KLRG1: variants seen among roughly 807,000 people sequenced by gnomAD.
KLRG1 encodes killer cell lectin-like receptor subfamily G member 1.
Under a neutral mutation model 21.8 loss-of-function variants are expected in KLRG1, and 16 were observed. That is an observed-to-expected ratio of 0.73 (90% CI 0.50 to 1.11). The LOEUF (loss-of-function observed/expected upper bound fraction) is 1.11. Among genes scored for constraint, KLRG1 ranks in the 50% most tolerant of loss-of-function variants. The pLI, the probability that KLRG1 is intolerant of heterozygous loss-of-function variation, is 0.00. For synonymous variants in KLRG1, 69 were observed against 75.9 expected (o/e 0.91, Z 0.47); for missense variants, 173 against 218.3 (o/e 0.79, Z 1.31).
chr12:9,033,934 G>T, the KLRG1 span, among the ~76,000 whole-genome samples: 6 of 152,198 alleles, frequency 3.9e-5, no homozygotes, highest in African/African-American at 1.4e-4. Context: ...GAAGTTGAGA[G>T]CTAAGGTAAA....
the KLRG1 span, among the ~76,000 whole-genome samples, chr12:9,103,417 A>AACAC: frequency 2.6e-5 from 4 of 151,276 alleles, no homozygotes; most frequent in African/African-American, 9.7e-5. Flanking sequence ...AGTTATTATA[A>AACAC]ACACACACAC....
At chr12:9,159,951 G>A in the KLRG1 span, 2 of 1,612,684 alleles carry the variant, frequency 1.2e-6, no homozygotes, top group South Asian at 2.2e-5. Context: ...GTGTTGCCCT[G>A]GTTCCTGCCA....
chr12:9,107,525 T>G, the KLRG1 span: 2 of 1,613,898 alleles, frequency 1.2e-6, no homozygotes, highest in East Asian at 4.5e-5. Flanking sequence ...TCAACCTACC[T>G]GTCCACTGAA....
chr12:9,007,744 G>A (rs1947514570), intron 3 of KLRG1, among the ~76,000 whole-genome samples: 1 of 152,112 alleles, frequency 6.6e-6, no homozygotes, highest in Admixed American at 6.6e-5. Flanking sequence ...ATCACCATAG[G>A]CAGTTGAAAT....
chr12:8,973,891 T>G (rs1036140221), intron 1 of KLRG1, among the ~76,000 whole-genome samples: 7 of 152,180 alleles, frequency 4.6e-5, no homozygotes, highest in African/African-American at 1.7e-4. Context: ...ATGAATGATT[T>G]TTGTATGTTG....
chr12:9,102,388 G>A, the KLRG1 span, among the ~76,000 whole-genome samples: 2 of 152,004 alleles, frequency 1.3e-5, no homozygotes, highest in Admixed American at 6.6e-5. Flanking sequence ...CTAATTTTTT[G>A]TATATTTTGT....
the KLRG1 span, among the ~76,000 whole-genome samples, chr12:9,085,188 A>G: frequency 6.6e-6 from 1 of 152,110 alleles, no homozygotes; most frequent in Non-Finnish European, 1.5e-5. Context: ...GACCTAATGG[A>G]TACATACAGA....
the KLRG1 span, among the ~76,000 whole-genome samples, chr12:9,193,714 A>C: frequency 6.6e-6 from 1 of 152,208 alleles, no homozygotes; most frequent in Non-Finnish European, 1.5e-5. Context: ...GACAGTGTAT[A>C]TTAAGTGTGT....
the KLRG1 span, chr12:9,077,925 C>T: frequency 2.5e-6 from 4 of 1,589,218 alleles, no homozygotes; most frequent in Non-Finnish European, 3.4e-6. Flanking sequence ...TTCACAGCAA[C>T]AGGCTTCATA....
chr12:9,050,849 T>G, the KLRG1 span, among the ~76,000 whole-genome samples: 1 of 152,312 alleles, frequency 6.6e-6, no homozygotes, highest in East Asian at 1.9e-4. Context: ...CCCACACTCC[T>G]GTTCGCAAGC....
At chr12:9,115,499 G>A in the KLRG1 span, 1 of 353,228 alleles carries the variant, frequency 2.8e-6, no homozygotes, top group Non-Finnish European at 5.3e-6. Flanking sequence ...ATATGAATGT[G>A]AATATCTAAA....
the KLRG1 span, among the ~76,000 whole-genome samples, chr12:9,130,263 T>C: frequency 6.6e-6 from 1 of 152,240 alleles, no homozygotes; most frequent in African/African-American, 2.4e-5. Flanking sequence ...GACTGTGGTA[T>C]ATAAATATCT....
the KLRG1 span, among the ~76,000 whole-genome samples, chr12:9,134,191 G>C: frequency 6.6e-6 from 1 of 152,114 alleles, no homozygotes; most frequent in African/African-American, 2.4e-5. Flanking sequence ...TTGCACAAGG[G>C]ACTACAGAAC....
chr12:9,076,971 G>A, the KLRG1 span: 1 of 1,517,324 alleles, frequency 6.6e-7, no homozygotes, highest in Non-Finnish European at 8.8e-7. Flanking sequence ...ACTAAGCTAT[G>A]TAAACAGGCA....
intron 3 of KLRG1, among the ~76,000 whole-genome samples, chr12:9,002,685 G>A (rs537396228): frequency 1.1e-3 from 164 of 152,066 alleles, no homozygotes; most frequent in Non-Finnish European, 1.0e-3. Context: ...TCCTGTCTCA[G>A]CCTCCTAAGT....
chr12:9,077,771 CAT>C, the KLRG1 span: 1 of 1,614,156 alleles, frequency 6.2e-7, no homozygotes, highest in Non-Finnish European at 8.5e-7. Context: ...CTGGGAGAGC[CAT>C]ATGAGGGCTT....
the KLRG1 span, among the ~76,000 whole-genome samples, chr12:9,074,087 TAAAAAAAAA>T: frequency 7.6e-6 from 1 of 131,588 alleles, no homozygotes; most frequent in Admixed American, 7.7e-5. Flanking sequence ...GACTCTGTCT[TAAAAAAAAA>T]AAAAAAAAAA....
At chr12:9,109,051 T>TGG in the KLRG1 span, among the ~76,000 whole-genome samples, 1 of 152,018 alleles carries the variant, frequency 6.6e-6, no homozygotes, top group Admixed American at 6.6e-5. Flanking sequence ...TGTGTGTGTG[T>TGG]GCAGTTTTGT....
chr12:9,159,835 T>A, the KLRG1 span: 1 of 1,009,524 alleles, frequency 9.9e-7, no homozygotes, highest in Admixed American at 2.2e-5. Context: ...ATTACCTAGT[T>A]TCAGGTATTC....
Sources: allele counts gnomAD v4.1 joint callset (sites outside exome capture counted in the v4.1 genomes callset), GRCh38; gene constraint gnomAD v4.1.1; transcripts MANE v1.5; gene names NCBI Gene and HGNC (gene_info 2026-07-23, HGNC 2026-07-21).